DENND1B: variants seen among roughly 807,000 people sequenced by gnomAD.
DENND1B encodes the protein DENN domain-containing protein 1B.
A neutral mutation model predicts 90.1 loss-of-function variants in DENND1B; 59 were observed. The observed-to-expected ratio is 0.65, with a 90% CI of 0.53 to 0.81. DENND1B has a LOEUF of 0.81. DENND1B is among the 40% of genes least tolerant of loss of function. The probability of loss-of-function intolerance (pLI) is 0.00; values close to 1 mark genes in which losing one functional copy is unlikely to be tolerated. For synonymous variants in DENND1B, 337 were observed against 324.6 expected (o/e 1.04, Z -0.41); for missense variants, 862 against 912.6 (o/e 0.94, Z 0.71).
intron 20 of DENND1B, among the ~76,000 whole-genome samples, chr1:197,537,827 G>T (rs1670029838): frequency 6.6e-6 from 1 of 151,922 alleles, no homozygotes; most frequent in Admixed American, 6.6e-5. Flanking sequence ...TTACAGCATG[G>T]TGAATATAAT....
At chr1:197,751,538 A>T (rs1653501087) in intron 2 of DENND1B, among the ~76,000 whole-genome samples, 1 of 152,140 alleles carries the variant, frequency 6.6e-6, no homozygotes, top group African/African-American at 2.4e-5. Flanking sequence ...ATTAAATCCA[A>T]AGTAGAAGAA....
intron 15 of DENND1B, among the ~76,000 whole-genome samples, chr1:197,564,785 C>G (rs905899810): frequency 6.6e-6 from 1 of 151,856 alleles, no homozygotes; most frequent in Non-Finnish European, 1.5e-5. Context: ...AGGTGAGACT[C>G]AAGAATATGC....
chr1:197,682,939 T>C (rs1486676517), intron 3 of DENND1B, among the ~76,000 whole-genome samples: 1 of 152,246 alleles, frequency 6.6e-6, no homozygotes, highest in Non-Finnish European at 1.5e-5. Context: ...ACTTTACATG[T>C]ATCTTCTCAT....
intron 2 of DENND1B, among the ~76,000 whole-genome samples, chr1:197,768,356 T>C (rs919098888): frequency 6.6e-6 from 1 of 152,142 alleles, no homozygotes; most frequent in Non-Finnish European, 1.5e-5. Context: ...CAAGGCCACT[T>C]CCCAGAAGAG....
intron 13 of DENND1B, among the ~76,000 whole-genome samples, chr1:197,604,784 T>C (rs530571194): frequency 4.9e-4 from 74 of 151,332 alleles, no homozygotes; most frequent in African/African-American, 1.7e-3. Flanking sequence ...ACACAACTCA[T>C]TTAAGACATT....
intron 22 of DENND1B, 70 bp from the exon 23 acceptor site, chr1:197,511,042 T>G (rs1164197932): frequency 2.2e-6 from 3 of 1,367,486 alleles, no homozygotes; most frequent in East Asian, 5.2e-5. Flanking sequence ...TTTTTCTCTT[T>G]TGAAATAAAT....
At chr1:197,528,752 T>G (rs1038018597) in intron 20 of DENND1B, among the ~76,000 whole-genome samples, 1 of 149,526 alleles carries the variant, frequency 6.7e-6, no homozygotes, top group African/African-American at 2.5e-5. Flanking sequence ...CCCAGCTACT[T>G]GGGAGGCTGA....
chr1:197,642,526 T>A (rs1328006300), intron 10 of DENND1B, among the ~76,000 whole-genome samples, 185 bp downstream of exon 10: 1 of 152,222 alleles, frequency 6.6e-6, no homozygotes, highest in Non-Finnish European at 1.5e-5. Context: ...ACTTAATGCA[T>A]CTGAGAAGGC....
At chr1:197,529,272 A>ATATGTATATATATGTATATATG (rs1669432007) in intron 20 of DENND1B, among the ~76,000 whole-genome samples, 6 of 10,700 alleles carry the variant, frequency 5.6e-4, no homozygotes, top group Admixed American at 1.3e-3. Flanking sequence ...GTGTGTGTAT[A>ATATGTATATATATGTATATATG]TGTATATATG....
intron 10 of DENND1B, among the ~76,000 whole-genome samples, chr1:197,640,955 A>C (rs1180631272): frequency 2.6e-5 from 4 of 152,304 alleles, no homozygotes; most frequent in African/African-American, 7.2e-5. Context: ...AAACAAACAA[A>C]CAAAATACTA....
At chr1:197,513,898 C>T (rs1668214805) in intron 20 of DENND1B, among the ~76,000 whole-genome samples, 1 of 151,532 alleles carries the variant, frequency 6.6e-6, no homozygotes, top group Admixed American at 6.6e-5. Context: ...TGGTAGCTAC[C>T]TCTGGAAGCT....
At chr1:197,644,100 T>C (rs888963198) in intron 9 of DENND1B, among the ~76,000 whole-genome samples, 2 of 152,212 alleles carry the variant, frequency 1.3e-5, no homozygotes, top group African/African-American at 4.8e-5. Context: ...ATGTTGAATT[T>C]GGTGGGAAGA....
At chr1:197,776,543 G>T (rs989574898), upstream of DENND1B, among the ~76,000 whole-genome samples, 14 of 152,142 alleles carry the variant, frequency 9.2e-5, no homozygotes, top group African/African-American at 3.1e-4. Flanking sequence ...TCTTCCAAAA[G>T]GTGGTTACTT....
intron 2 of DENND1B, among the ~76,000 whole-genome samples, chr1:197,718,773 T>C (rs1030446715): frequency 5.1e-4 from 77 of 152,134 alleles, no homozygotes; most frequent in African/African-American, 1.6e-3. Flanking sequence ...GCATGACATC[T>C]TGAAGGTTAA....
intron 18 of DENND1B, among the ~76,000 whole-genome samples, chr1:197,542,317 GA>G (rs953486604): frequency 3.9e-5 from 6 of 151,914 alleles, no homozygotes; most frequent in East Asian, 3.9e-4. Context: ...AAAAGCATAG[GA>G]AAAAAAATTT....
chr1:197,692,224 G>A (rs1388402918), intron 3 of DENND1B, among the ~76,000 whole-genome samples: 11 of 150,920 alleles, frequency 7.3e-5, no homozygotes, highest in African/African-American at 1.2e-4. Flanking sequence ...AACAATTACC[G>A]TAGCCTTCTA....
At chr1:197,692,779 G>A (rs1658040017) in intron 3 of DENND1B, among the ~76,000 whole-genome samples, 1 of 151,730 alleles carries the variant, frequency 6.6e-6, no homozygotes, top group Non-Finnish European at 1.5e-5. Context: ...ATATTTTTCA[G>A]TATGGATTTA....
chr1:197,682,193 G>A (rs796461363), intron 3 of DENND1B, among the ~76,000 whole-genome samples: 14 of 151,908 alleles, frequency 9.2e-5, no homozygotes, highest in African/African-American at 2.2e-4. Flanking sequence ...ATATTCTGGC[G>A]TCAGTGGCAT....
chr1:197,777,534 C>A (rs1444450001), upstream of DENND1B, among the ~76,000 whole-genome samples: 1 of 152,108 alleles, frequency 6.6e-6, no homozygotes, highest in Non-Finnish European at 1.5e-5. Context: ...AAATATCATA[C>A]ACTTACCTTG....
Sources: allele counts gnomAD v4.1 joint callset (sites outside exome capture counted in the v4.1 genomes callset), GRCh38; gene constraint gnomAD v4.1.1; transcripts MANE v1.5; gene names NCBI Gene and HGNC (gene_info 2026-07-23, HGNC 2026-07-21).